SMARCAL1: variants seen among roughly 807,000 people sequenced by gnomAD.
SMARCAL1 encodes SNF2 related chromatin remodeling annealing helicase 1.
SMARCAL1 carries 58 observed loss-of-function variants against 94.5 expected under a neutral mutation model. The observed-to-expected ratio is 0.61, with a 90% CI of 0.50 to 0.76. The LOEUF (loss-of-function observed/expected upper bound fraction) is 0.76, where lower values mean the gene tolerates loss of function less well. Ranked by LOEUF, SMARCAL1 falls within the 30% of genes least tolerant of loss-of-function variation. The probability of loss-of-function intolerance (pLI) is 0.00; values close to 1 mark genes in which losing one functional copy is unlikely to be tolerated. For missense variants in SMARCAL1, 1,051 were observed against 1,177.9 expected, an observed-to-expected ratio of 0.89 and a Z score of 1.58; for synonymous variants, 422 against 455.1, an observed-to-expected ratio of 0.93 and a Z score of 0.93.
intron 12 of SMARCAL1, among the ~76,000 whole-genome samples, chr2:216,455,287 A>G (rs1177388874): frequency 2.6e-5 from 4 of 152,238 alleles, no homozygotes; most frequent in Non-Finnish European, 5.9e-5. Context: ...GGGCATAGCC[A>G]AACAAAAGGC....
chr2:216,416,580 A>G (rs962468329), intron 4 of SMARCAL1, among the ~76,000 whole-genome samples: 4 of 152,214 alleles, frequency 2.6e-5, no homozygotes, highest in Admixed American at 2.6e-4. Context: ...ATTCCTTATA[A>G]TGACTTTTTT....
intron 13 of SMARCAL1, among the ~76,000 whole-genome samples, chr2:216,467,495 G>T (rs1694853706): frequency 6.6e-6 from 1 of 150,720 alleles, no homozygotes; most frequent in African/African-American, 2.4e-5. Flanking sequence ...AAAAAAAAGG[G>T]TGGGAAGCTA....
At chr2:216,458,159 C>A (rs1694613309) in intron 12 of SMARCAL1, among the ~76,000 whole-genome samples, 1 of 152,128 alleles carries the variant, frequency 6.6e-6, no homozygotes, top group Non-Finnish European at 1.5e-5. Flanking sequence ...CTGAATAGAC[C>A]AATAACAGGC....
At chr2:216,451,969 A>G (rs561730508) in intron 12 of SMARCAL1, among the ~76,000 whole-genome samples, 53 of 152,354 alleles carry the variant, frequency 3.5e-4, no homozygotes, top group African/African-American at 1.3e-3. Flanking sequence ...AAGAATGACA[A>G]GAGACAGAAT....
chr2:216,432,986 G>T, intron 8 of SMARCAL1, 118 bp downstream of exon 8: 1 of 1,324,832 alleles, frequency 7.5e-7, no homozygotes, highest in Non-Finnish European at 1.1e-6. Context: ...TCAAGTAAAG[G>T]CAAAGGCAGG....
chr2:216,464,282 G>T (rs1300679207), intron 12 of SMARCAL1, among the ~76,000 whole-genome samples: 1 of 152,166 alleles, frequency 6.6e-6, no homozygotes, highest in Non-Finnish European at 1.5e-5. Flanking sequence ...GTTCACATGG[G>T]TCTGGTGTGT....
intron 7 of SMARCAL1, among the ~76,000 whole-genome samples, chr2:216,429,054 C>T (rs1693903545): frequency 6.6e-6 from 1 of 152,202 alleles, no homozygotes; most frequent in Admixed American, 6.5e-5. Context: ...TTCTCAGTGC[C>T]TGTAAGAGAA....
At chr2:216,449,812 G>A (rs1341672658) in intron 11 of SMARCAL1, among the ~76,000 whole-genome samples, 3 of 151,868 alleles carry the variant, frequency 2.0e-5, no homozygotes, top group Admixed American at 6.6e-5. Context: ...AAGATTGTTG[G>A]TGAGGGATAG....
intron 12 of SMARCAL1, among the ~76,000 whole-genome samples, chr2:216,462,467 C>T (rs16856188): frequency 0.053 from 8,137 of 152,178 alleles, 309 homozygotes; most frequent in African/African-American, 0.11. Flanking sequence ...GACCGTTAGA[C>T]GTCCATGAAT....
rs537530239 is a variant in SMARCAL1 at position 216,416,860 on chromosome 2, A to G, written c.862+553A>G. On this transcript the variant is annotated intron_variant, in intron 4 of 17. Transcript: ENST00000357276. ...AAAATGCAAGGAGGGGGCATTGGCC[A>G]GGCAAGTTCCAGCTAATGCAGTGTC... 3.2e-4 allele frequency among the ~76,000 whole-genome samples: 49 copies of G among 152,352 alleles called. No individual in the cohort carries two copies. In the South Asian group the frequency reaches 8.1e-3, roughly 25 times the overall value.
chr2:216,461,843 A>AG (rs1199939769), intron 12 of SMARCAL1, among the ~76,000 whole-genome samples: 1 of 151,918 alleles, frequency 6.6e-6, no homozygotes, highest in African/African-American at 2.4e-5. Flanking sequence ...AAAAAAAAAA[A>AG]CAAACCATAA....
At chr2:216,461,719 A>C (rs901532940) in intron 12 of SMARCAL1, among the ~76,000 whole-genome samples, 1 of 152,046 alleles carries the variant, frequency 6.6e-6, no homozygotes, top group South Asian at 2.1e-4. Flanking sequence ...AGTCCCAGCT[A>C]CTTGGGTAGG....
chr2:216,442,914 T>C (rs557252127), intron 10 of SMARCAL1, among the ~76,000 whole-genome samples: 1 of 152,288 alleles, frequency 6.6e-6, no homozygotes, highest in African/African-American at 2.4e-5. Flanking sequence ...GGGAGAGCAG[T>C]GTCAGCTGGC....
chr2:216,427,583 A>G (rs1693862790), intron 6 of SMARCAL1: 3 of 152,224 alleles, frequency 2.0e-5, no homozygotes, highest in Admixed American at 1.3e-4. Flanking sequence ...TTCTGCATCA[A>G]TATGGACAGT....
chr2:216,447,069 G>T lies in SMARCAL1; in HGVS notation c.1762G>T (p.Ala588Ser), dbSNP rs769553029. 3 of 1,600,864 alleles carry T rather than the reference G, an allele frequency of 1.9e-6. No individual in the cohort carries two copies. The highest frequency in any genetic ancestry group is 2.6e-6 in the Non-Finnish European group (3 of 1,174,514). Residue 588 changes from alanine (A) to serine (S), a missense_variant, in exon 11 of 18, where the codon GCA becomes TCA. Physicochemically the swap from Ala to Ser is moderately conservative, Grantham distance 99. Around this residue, in one of 3 missense-constraint regions of SMARCAL1, gnomAD observed 642 missense variants for 754.7 expected, o/e 0.85. Coordinates refer to ENST00000357276, the MANE Select transcript of SMARCAL1 (RefSeq NM_014140.4). ...GGGCACACCAGCCATGTCCCGGCCCGCAGAGCTCTACACGCAGATCATCGC... is the reference window on the plus strand; with the variant it reads ...GGGCACACCAGCCATGTCCCGGCCCTCAGAGCTCTACACGCAGATCATCGC... ...LSGTPAMSRP[A>S]ELYTQIIAVK...
At chr2:216,416,721 G>A (rs1183048043) in intron 4 of SMARCAL1, among the ~76,000 whole-genome samples, 1 of 152,180 alleles carries the variant, frequency 6.6e-6, no homozygotes, top group Non-Finnish European at 1.5e-5. Flanking sequence ...AGACTATGCT[G>A]GCCCCAGCAG....
chr2:216,430,989 G>T (rs1254531767), intron 7 of SMARCAL1, among the ~76,000 whole-genome samples: 1 of 152,268 alleles, frequency 6.6e-6, no homozygotes, highest in African/African-American at 2.4e-5. Flanking sequence ...GAGAGGTGAG[G>T]CAGCCCACTG....
intron 5 of SMARCAL1, 112 bp downstream of exon 5, chr2:216,420,644 T>C (rs1693699445): frequency 2.5e-6 from 2 of 805,580 alleles, no homozygotes; most frequent in East Asian, 5.1e-5. Flanking sequence ...GGGAAAGACT[T>C]CCTGTTCTGC....
At chr2:216,444,824 A>T in intron 10 of SMARCAL1, among the ~76,000 whole-genome samples, 1 of 152,268 alleles carries the variant, frequency 6.6e-6, no homozygotes, top group South Asian at 2.1e-4. Context: ...GTCAACTCTT[A>T]ATTTTAAAAC....
Sources: allele counts gnomAD v4.1 joint callset (sites outside exome capture counted in the v4.1 genomes callset), GRCh38; gene constraint gnomAD v4.1.1; regional missense constraint gnomAD v4.1.1; transcripts MANE v1.5; gene names NCBI Gene and HGNC (gene_info 2026-07-23, HGNC 2026-07-21).